BICC1: variants seen among roughly 807,000 people sequenced by gnomAD.
BICC1 encodes protein bicaudal C homolog 1.
In BICC1, 43 loss-of-function variants were observed where a neutral mutation model predicts 111.0. That is an observed-to-expected ratio of 0.39 (90% CI 0.30 to 0.50). The LOEUF (loss-of-function observed/expected upper bound fraction) is 0.50. BICC1 is among the 20% of genes least tolerant of loss of function. The pLI is 0.88. For missense variants in BICC1, 1,091 were observed against 1,203.2 expected (o/e 0.91, Z 1.38); for synonymous variants, 467 against 434.4 (o/e 1.07, Z -0.93).
chr10:58,534,382 C>T (rs546999679), intron 1 of BICC1, among the ~76,000 whole-genome samples: 4 of 151,740 alleles, frequency 2.6e-5, no homozygotes, highest in Non-Finnish European at 5.9e-5. Context: ...GACTGAAAAC[C>T]CCCACAGGAA....
At chr10:58,702,576 T>A (rs941074066) in intron 3 of BICC1, among the ~76,000 whole-genome samples, 2 of 152,134 alleles carry the variant, frequency 1.3e-5, no homozygotes, top group Non-Finnish European at 2.9e-5. Flanking sequence ...CTGCTTGTCT[T>A]CATCTATCAG....
At chr10:58,788,877 G>A (rs1218960424) in intron 6 of BICC1, among the ~76,000 whole-genome samples, 5 of 152,130 alleles carry the variant, frequency 3.3e-5, no homozygotes, top group Non-Finnish European at 7.4e-5. Flanking sequence ...CTTGAGGCCT[G>A]GAGTTCGTGA....
At chr10:58,609,565 C>G (rs1845345920) in intron 1 of BICC1, among the ~76,000 whole-genome samples, 2 of 152,108 alleles carry the variant, frequency 1.3e-5, no homozygotes, top group South Asian at 4.1e-4. Context: ...TTGTTTAACC[C>G]AATATATAAA....
At chr10:58,773,877 A>C (rs1169919527) in intron 3 of BICC1, among the ~76,000 whole-genome samples, 2 of 152,246 alleles carry the variant, frequency 1.3e-5, no homozygotes, top group East Asian at 3.8e-4. Context: ...AATAATACCC[A>C]AATATTGCTT....
intron 5 of BICC1, among the ~76,000 whole-genome samples, chr10:58,787,417 T>C (rs1393051151): frequency 1.3e-5 from 2 of 152,222 alleles, no homozygotes; most frequent in Admixed American, 6.5e-5. Context: ...ATCCATTGCC[T>C]GGTAGAGACC....
chr10:58,789,683 A>G lies in BICC1; in HGVS notation c.797A>G (p.Glu266Gly). The change falls in exon 8 of 21, where the codon GAA becomes GGA. Residue 266 changes from glutamate (E) to glycine (G), a missense_variant and splice_region_variant. This residue lies in a region of BICC1 where 843 missense variants were observed against 900.8 expected (regional missense o/e 0.94). Transcript: ENST00000373886. ...TTCTTTCCCACCCTTTTCTCTTAGG[A>G]AGGAACTGCCATGCTGTTAGAACAT... ...GSQNNTSAVKEGTAMLLEHLA... is the reference protein window; with the variant it reads ...GSQNNTSAVKGGTAMLLEHLA... The G allele has an allele frequency of 6.2e-7, 1 of 1,614,050 alleles. No homozygotes were observed.
Position 58,801,594 on chromosome 10 carries a change from C to CT in BICC1, c.2015+559dup, listed in dbSNP as rs11292094. Among the ~76,000 whole-genome samples the CT allele has an allele frequency of 4.5e-4, 67 of 150,326 alleles. 1 individual carries two copies. In the South Asian group the frequency reaches 0.01, roughly 23 times the overall value. ...ACAGTTAAAGTATGTCATCCTTACT[C>CT]TTTTTTTTTTTCCTCCATGTATTTT... On this transcript the variant is annotated intron_variant, in intron 14 of 20. Transcript: ENST00000373886.
chr10:58,694,437 A>G (rs546992689), intron 2 of BICC1, among the ~76,000 whole-genome samples: 1 of 152,188 alleles, frequency 6.6e-6, no homozygotes, highest in Non-Finnish European at 1.5e-5. Flanking sequence ...TGAAATTTGT[A>G]TTTGATGCAA....
intron 3 of BICC1, among the ~76,000 whole-genome samples, chr10:58,711,034 G>T (rs1193434726): frequency 6.6e-6 from 1 of 152,060 alleles, no homozygotes; most frequent in Admixed American, 6.6e-5. Context: ...TTTTTGTGGA[G>T]TTGGGGTCTC....
intron 3 of BICC1, among the ~76,000 whole-genome samples, chr10:58,707,854 C>T (rs990146848): frequency 1.2e-4 from 19 of 152,132 alleles, no homozygotes; most frequent in Non-Finnish European, 1.8e-4. Context: ...CCTGCCACCA[C>T]GCCCGGCTAA....
intron 3 of BICC1, among the ~76,000 whole-genome samples, chr10:58,729,527 G>C (rs1049539774): frequency 6.6e-6 from 1 of 152,092 alleles, no homozygotes; most frequent in Admixed American, 6.6e-5. Context: ...CAGCAATAAG[G>C]CTTGTGTTTG....
chr10:58,650,694 C>A (rs1838420276), intron 2 of BICC1: 1 of 152,158 alleles, frequency 6.6e-6, no homozygotes, highest in Admixed American at 6.6e-5. Flanking sequence ...ACTGAAATAG[C>A]TTATTTTGCT....
intron 1 of BICC1, among the ~76,000 whole-genome samples, chr10:58,616,470 C>T (rs771337943): frequency 6.6e-6 from 1 of 152,186 alleles, no homozygotes. Context: ...TCAAAGACTC[C>T]GTATGTGCTA....
chr10:58,820,492 A>G, intron 20 of BICC1, 24 bp downstream of exon 20: 2 of 1,527,920 alleles, frequency 1.3e-6, no homozygotes, highest in South Asian at 1.1e-5. Context: ...TTCAACTCAT[A>G]TGTTAAAATC....
intron 1 of BICC1, among the ~76,000 whole-genome samples, chr10:58,586,366 C>CT (rs888687479): frequency 1.2e-4 from 19 of 152,140 alleles, no homozygotes; most frequent in Non-Finnish European, 5.9e-5. Context: ...TTGGTAATCT[C>CT]TTACTGACTA....
intron 1 of BICC1, among the ~76,000 whole-genome samples, chr10:58,608,923 C>G (rs1380697249): frequency 1.3e-5 from 2 of 152,226 alleles, no homozygotes; most frequent in Admixed American, 6.5e-5. Context: ...CATGTCTCTT[C>G]TTTGCCCTCT....
chr10:58,773,194 G>C (rs1181415236), intron 3 of BICC1, among the ~76,000 whole-genome samples: 1 of 152,156 alleles, frequency 6.6e-6, no homozygotes, highest in African/African-American at 2.4e-5. Flanking sequence ...TGTATGCTAA[G>C]ACCTAAGGAA....
chr10:58,751,300 G>A (rs1161033899), intron 3 of BICC1, among the ~76,000 whole-genome samples: 4 of 152,164 alleles, frequency 2.6e-5, no homozygotes, highest in Non-Finnish European at 5.9e-5. Context: ...AAATGGTACA[G>A]TTGTTGAAAC....
At chr10:58,781,816 A>T (rs972887368) in intron 3 of BICC1, among the ~76,000 whole-genome samples, 2 of 152,226 alleles carry the variant, frequency 1.3e-5, no homozygotes, top group African/African-American at 4.8e-5. Context: ...AAAAAAGGAC[A>T]CATCTTGTAT....
Sources: allele counts gnomAD v4.1 joint callset (sites outside exome capture counted in the v4.1 genomes callset), GRCh38; gene constraint gnomAD v4.1.1; regional missense constraint gnomAD v4.1.1; transcripts MANE v1.5; gene names NCBI Gene and HGNC (gene_info 2026-07-23, HGNC 2026-07-21).